BEST4: variants seen among roughly 807,000 people sequenced by gnomAD.
BEST4 encodes bestrophin-4.
A neutral mutation model predicts 47.1 loss-of-function variants in BEST4; 36 were observed. The observed-to-expected ratio is 0.76, with a 90% CI of 0.59 to 1.01. BEST4 has a LOEUF of 1.01. BEST4 is among the 50% of genes least tolerant of loss of function. The pLI is 0.00. For synonymous variants in BEST4, 250 were observed against 277.8 expected (o/e 0.90, Z 1.00); for missense variants, 550 against 648.6 (o/e 0.85, Z 1.65).
rs1439308509 is a variant in BEST4, at chr1:44,784,227, C to T, written c.1405G>A (p.Glu469Lys). The T allele has an allele frequency of 1.4e-5, 20 of 1,446,856 alleles. 1 individual carries two copies. In the Middle Eastern group the frequency reaches 1.1e-3, roughly 80 times the overall value. The allele number at this position is 1,446,856 out of a possible 1,614,324, so 89.6% of individuals were successfully genotyped here. Residue 469 changes from glutamate (E) to lysine (K), a missense_variant, in exon 9 of 9, where the codon GAG (glutamate) becomes AAG (lysine). Coordinates refer to ENST00000372207, the MANE Select transcript of BEST4 (RefSeq NM_153274.3). The surrounding 1 kb of genome is among the most constrained non-coding windows in gnomAD (Gnocchi z 6.2). Reference sequence around the variant, plus strand: ...GCGAGACCTCAGGGCTCCAGGGCCTCGTCCCCGGACTCCGCCGATTCCTCC... The same window carrying T: ...GCGAGACCTCAGGGCTCCAGGGCCTTGTCCCCGGACTCCGCCGATTCCTCC... ...IEEESAESGD[E>K]ALEP is the part of the protein sequence containing the mutation.
In BEST4 at chr1:44,786,310, C is replaced by T; in HGVS notation, c.482-82G>A. On this transcript the variant is annotated intron_variant, in intron 3 of 8. Transcript: ENST00000372207. The surrounding 1 kb of genome is among the most constrained non-coding windows in gnomAD (Gnocchi z 4.9). ...CTGTTCCGCCGTCTGGCTCCCCTCC[C>T]TCGCGTCCACCGGCTGTCCCAGGAC... 5 of 1,503,022 alleles carry T rather than the reference C, an allele frequency of 3.3e-6. No individual in the cohort carries two copies. Among genetic ancestry groups the T allele is most frequent in the Non-Finnish European group, 4.5e-6 (5 of 1,119,562 alleles). 93.1% of individuals were successfully genotyped at this position (1,503,022 alleles called of 1,614,324 possible). A position where few individuals can be genotyped will look rare whatever the true frequency, so the allele number is the denominator to read the frequency against.
At chr1:44,785,446 A>C in intron 5 of BEST4, 141 bp from the exon 6 acceptor site, 1 of 1,206,432 alleles carries the variant, frequency 8.3e-7, no homozygotes, top group Admixed American at 2.5e-5. Context: ...GGACAGGGTC[A>C]CCTTGTTGGG....
At position 44,786,756 on chromosome 1, in the gene BEST4, G is replaced by A. The variant is rs1227822966; in HGVS notation, c.248-60C>T. 7.5e-7 allele frequency: 1 copy of A among 1,329,656 alleles called. No homozygotes were observed. The highest frequency in any genetic ancestry group is 1.0e-6 in the Non-Finnish European group (1 of 963,848). 82.4% of individuals were successfully genotyped at this position (1,329,656 alleles called of 1,614,324 possible). A position where few individuals can be genotyped will look rare whatever the true frequency, so the allele number is the denominator to read the frequency against. On this transcript the variant is annotated intron_variant, in intron 2 of 8. Coordinates refer to ENST00000372207, the MANE Select transcript of BEST4 (RefSeq NM_153274.3). This position sits in a 1 kb window ranked among gnomAD's most constrained non-coding sequence, Gnocchi z 4.9. ...GAGAGTGGAGAGCCTGGGGGTCGGAGCGCCTCACCTCCCCCAGCAAAGGGC... is the reference window on the plus strand; with the variant it reads ...GAGAGTGGAGAGCCTGGGGGTCGGAACGCCTCACCTCCCCCAGCAAAGGGC...
Position 44,784,206 on chromosome 1 carries a change from G to C in BEST4, c.*4C>G. The C allele has an allele frequency of 7.0e-7, 1 of 1,420,268 alleles. No homozygotes were observed. The highest frequency in any genetic ancestry group is 1.5e-5 in the African/African-American group (1 of 66,508). The allele number at this position is 1,420,268 out of a possible 1,614,324, so 88.0% of individuals were successfully genotyped here. On this transcript the variant is annotated 3_prime_UTR_variant, in exon 9 of 9. Coordinates refer to ENST00000372207, the MANE Select transcript of BEST4 (RefSeq NM_153274.3). This position sits in a 1 kb window ranked among gnomAD's most constrained non-coding sequence, Gnocchi z 6.2. ...GGGGAAACCGGGCGGGGGCAGGCGA[G>C]ACCTCAGGGCTCCAGGGCCTCGTCC... is the stretch of plus-strand genomic sequence containing the variant.
At chr1:44,782,434 C>T (rs1048333566), downstream of BEST4, among the ~76,000 whole-genome samples, 3 of 151,840 alleles carry the variant, frequency 2.0e-5, no homozygotes, top group African/African-American at 4.8e-5. Context: ...TAAAGACCAG[C>T]CTGGACAACG....
Position 44,785,187 on chromosome 1 carries a change from G to A in BEST4, c.833C>T (p.Ala278Val). The A allele has an allele frequency of 1.9e-6, 3 of 1,614,020 alleles. No homozygotes were observed. Among genetic ancestry groups the A allele is most frequent in the Middle Eastern group, 1.7e-4 (1 of 6,058 alleles). The change falls in exon 6 of 9, where the codon GCC becomes GTC. Residue 278 changes from alanine to valine, a missense_variant. Around this residue, in one of 3 missense-constraint regions of BEST4, gnomAD observed 255 missense variants for 286.6 expected, o/e 0.89. Coordinates refer to ENST00000372207, the MANE Select transcript of BEST4 (RefSeq NM_153274.3). ...CATGTCCGGGTCTCCCAGGGCTGGG[G>A]CTGGCTCCTGGCCTGGCTTCAGAAG... ...QKLLKPGQEPAPALGDPDMYV... is the reference protein window; with the variant it reads ...QKLLKPGQEPVPALGDPDMYV...
chr1:44,791,739 C>G (rs1651416743), upstream of BEST4, among the ~76,000 whole-genome samples: 1 of 152,088 alleles, frequency 6.6e-6, no homozygotes, highest in African/African-American at 2.4e-5. Context: ...CCTGCCCCAC[C>G]TTTCCTTATC....
upstream of BEST4, among the ~76,000 whole-genome samples, chr1:44,792,426 C>CAAAA (rs35538089): frequency 1.0e-5 from 1 of 98,162 alleles, no homozygotes; most frequent in African/African-American, 3.7e-5. Flanking sequence ...GACTCCATCT[C>CAAAA]AAAAAAAAAA....
At chr1:44,792,448 C>T (rs1651437045), upstream of BEST4, among the ~76,000 whole-genome samples, 1 of 147,156 alleles carries the variant, frequency 6.8e-6, no homozygotes, top group South Asian at 2.2e-4. Context: ...AAAAAAAATT[C>T]CCCATGGGAA....
upstream of BEST4, among the ~76,000 whole-genome samples, chr1:44,792,198 T>C (rs557001135): frequency 6.6e-6 from 1 of 151,754 alleles, no homozygotes; most frequent in East Asian, 1.9e-4. Flanking sequence ...GCCGAGATCA[T>C]GCCATTGCAC....
At position 44,786,301 on chromosome 1, in the gene BEST4, C is replaced by G. The variant is rs1651229517; in HGVS notation, c.482-73G>C. 1 of 1,513,910 alleles carries G rather than the reference C, an allele frequency of 6.6e-7. No homozygotes were observed. The highest frequency in any genetic ancestry group is 2.1e-5 in the Admixed American group (1 of 47,988). The allele number at this position is 1,513,910 out of a possible 1,614,324, so 93.8% of individuals were successfully genotyped here. ...GGGAGGCTGCTGTTCCGCCGTCTGG[C>G]TCCCCTCCCTCGCGTCCACCGGCTG... On this transcript the variant is annotated intron_variant, in intron 3 of 8. Transcript: ENST00000372207. This position sits in a 1 kb window ranked among gnomAD's most constrained non-coding sequence, Gnocchi z 4.9.
rs1471631698 is a variant in BEST4, at chr1:44,785,591, G to A, written c.714+8C>T. ...GGCACTGGGACTCGGGAGGGGAGAG[G>A]CAGTTACTTGGGTGTAGACGAGGGG... On this transcript the variant is annotated splice_region_variant and intron_variant, in intron 5 of 8. Transcript: ENST00000372207. 15 of 1,549,816 alleles carry A rather than the reference G, an allele frequency of 9.7e-6. No homozygotes were observed. The Middle Eastern group carries it at 6.7e-4, about 69-fold the overall frequency.
intron 5 of BEST4, 79 bp from the exon 6 acceptor site, chr1:44,785,384 GGGAAGTCT>G (rs375468901): frequency 1.4e-6 from 2 of 1,429,496 alleles, no homozygotes; most frequent in African/African-American, 2.9e-5. Context: ...GAGGATCTAT[GGGAAGTCT>G]GACAAGTAAT....
Position 44,784,691 on chromosome 1 carries a change from G to A in BEST4, c.1086C>T (p.Tyr362=), listed in dbSNP as rs1651155795. The change falls in exon 8 of 9, where the codon TAC becomes TAT. Residue 362 remains tyrosine (Y), a synonymous_variant. Coordinates refer to ENST00000372207, the MANE Select transcript of BEST4 (RefSeq NM_153274.3). This position sits in a 1 kb window ranked among gnomAD's most constrained non-coding sequence, Gnocchi z 6.2. The stretch of plus-strand genomic sequence containing the variant: ...GAGACTCGGCCGCCGTGGCCACAGT[G>A]TAGGGTGGCTGCGGCTGGTCCTCAT... ...YWDEDQPQPP[Y]TVATAAESLR... is the part of the protein sequence containing the mutation. 1.9e-6 allele frequency: 3 copies of A among 1,612,764 alleles called. No homozygotes were observed. The highest frequency in any genetic ancestry group is 2.5e-6 in the Non-Finnish European group (3 of 1,179,552).
In BEST4 at chr1:44,787,849, A is replaced by C; in HGVS notation, c.-144T>G. On this transcript the variant is annotated 5_prime_UTR_variant, in exon 1 of 9. Coordinates refer to ENST00000372207, the MANE Select transcript of BEST4 (RefSeq NM_153274.3). ...TGGACAAGGGGGTAGGAGCCTGCAG[A>C]GCAGAAAAGTACACCCCACCCCCTG... 1.0e-6 allele frequency: 1 copy of C among 981,522 alleles called. No individual in the cohort carries two copies. The highest frequency in any genetic ancestry group is 1.6e-5 in the South Asian group (1 of 61,962). 60.8% of individuals were successfully genotyped at this position (981,522 alleles called of 1,614,324 possible).
chr1:44,784,955 C>T lies in BEST4; in HGVS notation c.943G>A (p.Glu315Lys). 1 of 1,614,170 alleles carries T rather than the reference C, an allele frequency of 6.2e-7. No individual in the cohort carries two copies. Among genetic ancestry groups the T allele is most frequent in the Non-Finnish European group, 8.5e-7 (1 of 1,180,042 alleles). ...VAEQIINPFG[E>K]DDDDFETNQL... Reference sequence around the variant, plus strand: ...TTTGTCTCAAAGTCGTCATCATCCTCACCAAATGGGTTGATGATCTGTTCA... The same window carrying T: ...TTTGTCTCAAAGTCGTCATCATCCTTACCAAATGGGTTGATGATCTGTTCA... The change falls in exon 7 of 9, where the codon GAG becomes AAG. Residue 315 changes from glutamate (E) to lysine (K), a missense_variant. Around this residue, in one of 3 missense-constraint regions of BEST4, gnomAD observed 255 missense variants for 286.6 expected, o/e 0.89. Transcript: ENST00000372207. This position sits in a 1 kb window ranked among gnomAD's most constrained non-coding sequence, Gnocchi z 6.2.
downstream of BEST4, among the ~76,000 whole-genome samples, chr1:44,783,146 G>A (rs1054529859): frequency 1.3e-5 from 2 of 152,132 alleles, no homozygotes; most frequent in African/African-American, 2.4e-5. Flanking sequence ...GTAGAGATGC[G>A]GTTTCACCAC....
chr1:44,784,319 C>T lies in BEST4; in HGVS notation c.1313G>A (p.Arg438His). The stretch of plus-strand genomic sequence containing the variant: ...CCGGAAGCGCAGCAGATGCGGGGGG[C>T]GGGGGGTGCCTCGCACGCGGCCGAA... ...RNFGRVRGTPRPPHLLRFRAE... is the reference protein window; with the variant it reads ...RNFGRVRGTPHPPHLLRFRAE... Residue 438 changes from arginine (R) to histidine (H), a missense_variant, in exon 9 of 9, where the codon CGC becomes CAC. Arg to His is a conservative substitution (Grantham distance 29). Around this residue, in one of 3 missense-constraint regions of BEST4, gnomAD observed 255 missense variants for 286.6 expected, o/e 0.89. Coordinates refer to ENST00000372207, the MANE Select transcript of BEST4 (RefSeq NM_153274.3). The surrounding 1 kb of genome is among the most constrained non-coding windows in gnomAD (Gnocchi z 6.2). The T allele has an allele frequency of 7.2e-7, 1 of 1,393,870 alleles. No individual in the cohort carries two copies. Among genetic ancestry groups the T allele is most frequent in the Non-Finnish European group, 9.2e-7 (1 of 1,084,214 alleles). The allele number at this position is 1,393,870 out of a possible 1,614,324, so 86.3% of individuals were successfully genotyped here. A position where few individuals can be genotyped will look rare whatever the true frequency, so the allele number is the denominator to read the frequency against.
chr1:44,786,366 A>T lies in BEST4; in HGVS notation c.481+97T>A. On this transcript the variant is annotated intron_variant, in intron 3 of 8. Coordinates refer to ENST00000372207, the MANE Select transcript of BEST4 (RefSeq NM_153274.3). The surrounding 1 kb of genome is among the most constrained non-coding windows in gnomAD (Gnocchi z 4.9). ...GTTCCGCGTTCCTGTCGCAGTCCAG[A>T]CCCTTCCCTGGAGGCCCCTGCTCCC... is the stretch of plus-strand genomic sequence containing the variant. 6.9e-7 allele frequency: 1 copy of T among 1,439,720 alleles called. No individual in the cohort carries two copies. Among genetic ancestry groups the T allele is most frequent in the Non-Finnish European group, 9.3e-7 (1 of 1,076,898 alleles). 89.2% of individuals were successfully genotyped at this position (1,439,720 alleles called of 1,614,324 possible).
Sources: allele counts gnomAD v4.1 joint callset (sites outside exome capture counted in the v4.1 genomes callset), GRCh38; gene constraint gnomAD v4.1.1; regional missense constraint gnomAD v4.1.1; non-coding constraint Gnocchi (gnomAD v3.1); transcripts MANE v1.5; gene names NCBI Gene and HGNC (gene_info 2026-07-23, HGNC 2026-07-21).